The following KCTD16 variants were observed in gnomAD, a reference collection of about 807,000 sequenced individuals.
The protein encoded by KCTD16 is BTB/POZ domain-containing protein KCTD16.
Under a neutral mutation model 33.2 loss-of-function variants are expected in KCTD16, and 13 were observed. The observed-to-expected ratio is 0.39, with a 90% confidence interval of 0.25 to 0.62. The LOEUF (loss-of-function observed/expected upper bound fraction) is 0.62. Among genes scored for constraint, KCTD16 ranks in the 20% least tolerant of loss-of-function variants. The probability of loss-of-function intolerance (pLI) is 0.50; values close to 1 mark genes in which losing one functional copy is unlikely to be tolerated. For synonymous variants in KCTD16, 197 were observed against 195.3 expected, an observed-to-expected ratio of 1.01 and a Z score of -0.07; for missense variants, 441 against 525.1, an observed-to-expected ratio of 0.84 and a Z score of 1.57.
intron 2 of KCTD16, among the ~76,000 whole-genome samples, chr5:144,184,269 A>G (rs1752683466): frequency 1.3e-5 from 2 of 152,164 alleles, no homozygotes; most frequent in Admixed American, 1.3e-4. Flanking sequence ...GCTCTGGCAA[A>G]CACCATTCTA....
At chr5:144,318,055 A>C (rs1751970323) in intron 3 of KCTD16, among the ~76,000 whole-genome samples, 2 of 152,182 alleles carry the variant, frequency 1.3e-5, no homozygotes, top group Admixed American at 1.3e-4. Flanking sequence ...TGGAAGCATG[A>C]ATGTTCTCTT....
At chr5:144,462,195 C>T (rs1053496975) in intron 3 of KCTD16, among the ~76,000 whole-genome samples, 1 of 151,940 alleles carries the variant, frequency 6.6e-6, no homozygotes, top group African/African-American at 2.4e-5. Flanking sequence ...TATTATGGCA[C>T]TAGTATTTGT....
At chr5:144,201,930 T>C (rs1295576928) in intron 2 of KCTD16, among the ~76,000 whole-genome samples, 1 of 152,214 alleles carries the variant, frequency 6.6e-6, no homozygotes, top group Non-Finnish European at 1.5e-5. Flanking sequence ...CTTAAGGATG[T>C]GTTAGGAGTG....
At chr5:144,464,463 T>C (rs1262781488) in intron 3 of KCTD16, among the ~76,000 whole-genome samples, 2 of 152,178 alleles carry the variant, frequency 1.3e-5, no homozygotes, top group African/African-American at 2.4e-5. Context: ...GAGGTACTAA[T>C]GGCAATAAAT....
In KCTD16 at chr5:144,477,117, T is replaced by A. The variant is rs1939578238; in HGVS notation, c.*3003T>A. On this transcript the variant is annotated 3_prime_UTR_variant, in exon 4 of 4. Coordinates refer to ENST00000512467, the MANE Select transcript of KCTD16 (RefSeq NM_020768.4). ...TGAAGTCAGAAACATATTTACAAAG[T>A]CCTTCTACCCACTATCAAAAATGAA... 6.6e-6 allele frequency: 1 copy of A among 152,036 alleles called. No individual in the cohort carries two copies. Among genetic ancestry groups the A allele is most frequent in the Non-Finnish European group, 1.5e-5 (1 of 67,992 alleles). 9.4% of individuals were successfully genotyped at this position (152,036 alleles called of 1,614,324 possible).
In KCTD16 at chr5:144,207,513, A is replaced by T; in HGVS notation, c.799A>T (p.Ile267Phe). The change falls in exon 3 of 4, where the codon ATC (isoleucine) becomes TTC (phenylalanine). Residue 267 changes from isoleucine (I) to phenylalanine (F), a missense_variant. Coordinates refer to ENST00000512467, the MANE Select transcript of KCTD16 (RefSeq NM_020768.4). ...SFINQYTDDK[I>F]WSSYTEYVFY... ...CATCAACCAATATACAGATGACAAG[A>T]TCTGGTCAAGCTACACTGAATATGT... The T allele has an allele frequency of 6.2e-7, 1 of 1,613,944 alleles. No homozygotes were observed. Among genetic ancestry groups the T allele is most frequent in the South Asian group, 1.1e-5 (1 of 91,062 alleles).
At chr5:144,208,663 G>GT (rs1378449516) in intron 3 of KCTD16, among the ~76,000 whole-genome samples, 2 of 152,200 alleles carry the variant, frequency 1.3e-5, no homozygotes, top group African/African-American at 2.4e-5. Flanking sequence ...TCTTGGACTG[G>GT]TTTTTTTCCT....
At chr5:144,246,273 CA>C (rs1351543215) in intron 3 of KCTD16, among the ~76,000 whole-genome samples, 1 of 151,914 alleles carries the variant, frequency 6.6e-6, no homozygotes, top group Non-Finnish European at 1.5e-5. Flanking sequence ...AGTGCATTAT[CA>C]AAAAAGCACT....
At chr5:144,224,404 T>TC (rs1396537457) in intron 3 of KCTD16, among the ~76,000 whole-genome samples, 1 of 147,432 alleles carries the variant, frequency 6.8e-6, no homozygotes, top group Non-Finnish European at 1.5e-5. Flanking sequence ...TTTTTTTTTT[T>TC]CCTCCAAAGG....
At chr5:144,234,934 T>C (rs1754208203) in intron 3 of KCTD16, among the ~76,000 whole-genome samples, 1 of 152,066 alleles carries the variant, frequency 6.6e-6, no homozygotes, top group Non-Finnish European at 1.5e-5. Flanking sequence ...TCTCAGCCTT[T>C]CCCACGATTT....
At chr5:144,331,223 C>G (rs531475075) in intron 3 of KCTD16, among the ~76,000 whole-genome samples, 1 of 152,266 alleles carries the variant, frequency 6.6e-6, no homozygotes, top group South Asian at 2.1e-4. Context: ...GAGGCACTGA[C>G]TATGGAGTGG....
At chr5:144,305,175 C>T (rs1751567325) in intron 3 of KCTD16, among the ~76,000 whole-genome samples, 1 of 151,932 alleles carries the variant, frequency 6.6e-6, no homozygotes, top group East Asian at 1.9e-4. Context: ...AGGTGAGATT[C>T]TGTTATATCT....
intron 3 of KCTD16, among the ~76,000 whole-genome samples, chr5:144,315,266 G>T (rs1751873829): frequency 1.3e-5 from 2 of 152,080 alleles, no homozygotes; most frequent in South Asian, 4.2e-4. Context: ...CACTGTGATC[G>T]ATTATCCCTG....
intron 3 of KCTD16, among the ~76,000 whole-genome samples, chr5:144,253,645 A>G (rs192132837): frequency 1.3e-5 from 2 of 152,308 alleles, no homozygotes; most frequent in Admixed American, 1.3e-4. Context: ...AAGAAAAAGA[A>G]TACCGTTTTG....
intron 3 of KCTD16, among the ~76,000 whole-genome samples, chr5:144,263,551 G>T (rs1298358270): frequency 6.6e-6 from 1 of 152,056 alleles, no homozygotes; most frequent in Admixed American, 6.6e-5. Context: ...GCTAATTATA[G>T]TGATTGTCCA....
chr5:144,305,287 G>C (rs932691996), intron 3 of KCTD16, among the ~76,000 whole-genome samples: 17 of 152,176 alleles, frequency 1.1e-4, no homozygotes, highest in African/African-American at 4.1e-4. Flanking sequence ...AGCAAAGGTT[G>C]TGTTATAAGC....
chr5:144,254,545 G>A (rs180993551), intron 3 of KCTD16, among the ~76,000 whole-genome samples: 5 of 152,094 alleles, frequency 3.3e-5, no homozygotes, highest in Admixed American at 2.0e-4. Context: ...CATGAGATCT[G>A]CCCTCTTAAC....
At chr5:144,394,227 T>C (rs985090024) in intron 3 of KCTD16, among the ~76,000 whole-genome samples, 2 of 152,216 alleles carry the variant, frequency 1.3e-5, no homozygotes, top group African/African-American at 4.8e-5. Context: ...TCATGGATCA[T>C]GACAATGTCA....
chr5:144,281,211 T>C lies in KCTD16; in HGVS notation c.832+73665T>C, dbSNP rs550176514. ...AATCAAAAGTTTTCCATTTTATTTT[T>C]ATTATTTACTTCCTACTAATTAGTT... is the stretch of plus-strand genomic sequence containing the variant. On this transcript the variant is annotated intron_variant, in intron 3 of 3. Coordinates refer to ENST00000512467, the MANE Select transcript of KCTD16 (RefSeq NM_020768.4). 1.8e-4 allele frequency among the ~76,000 whole-genome samples: 28 copies of C among 152,352 alleles called. No homozygotes were observed. The East Asian group carries it at 4.4e-3, about 24-fold the overall frequency.
Sources: allele counts gnomAD v4.1 joint callset (sites outside exome capture counted in the v4.1 genomes callset), GRCh38; gene constraint gnomAD v4.1.1; transcripts MANE v1.5; gene names NCBI Gene and HGNC (gene_info 2026-07-23, HGNC 2026-07-21).